TSHZ2: variants seen among roughly 807,000 people sequenced by gnomAD.
TSHZ2 encodes the protein teashirt zinc finger homeobox 2.
A neutral mutation model predicts 74.4 loss-of-function variants in TSHZ2; 21 were observed. That is an observed-to-expected ratio of 0.28 (90% CI 0.20 to 0.41). The LOEUF (loss-of-function observed/expected upper bound fraction) is 0.41, where lower values mean the gene tolerates loss of function less well. Ranked by LOEUF, TSHZ2 falls within the 10% of genes least tolerant of loss-of-function variation. The pLI, the probability that TSHZ2 is intolerant of heterozygous loss-of-function variation, is 1.00. For synonymous variants in TSHZ2, 540 were observed against 515.3 expected (o/e 1.05, Z -0.65); for missense variants, 1,244 against 1,293.5 (o/e 0.96, Z 0.59).
At chr20:53,042,318 T>G (rs772703311) in intron 1 of TSHZ2, among the ~76,000 whole-genome samples, 5 of 152,228 alleles carry the variant, frequency 3.3e-5, no homozygotes, top group Non-Finnish European at 7.3e-5. Context: ...CACAATGTTC[T>G]TTAATTGTTA....
rs186660441 is a variant in TSHZ2 at position 52,999,305 on chromosome 20, C to T, written c.40+25972C>T. Among the ~76,000 whole-genome samples, 26 of 152,278 alleles carry T rather than the reference C, an allele frequency of 1.7e-4. No individual in the cohort carries two copies. In the East Asian group the frequency reaches 4.6e-3, roughly 27 times the overall value. On this transcript the variant is annotated intron_variant, in intron 1 of 2. Coordinates refer to ENST00000371497, the MANE Select transcript of TSHZ2 (RefSeq NM_173485.6). The stretch of plus-strand genomic sequence containing the variant: ...AGTAATGAGTAAGATCCATCAGGAC[C>T]CTGCTCTCAGGGGACAGAAGCAACA...
At chr20:53,128,324 C>T (rs1191404385) in intron 1 of TSHZ2, among the ~76,000 whole-genome samples, 2 of 152,200 alleles carry the variant, frequency 1.3e-5, no homozygotes, top group Non-Finnish European at 2.9e-5. Flanking sequence ...TATCAACCAG[C>T]TACATCCTGC....
At chr20:53,038,908 G>GTTTGTTTT (rs146845423) in intron 1 of TSHZ2, among the ~76,000 whole-genome samples, 34,878 of 147,476 alleles carry the variant, frequency 0.24, 5,175 homozygotes, top group African/African-American at 0.42. Flanking sequence ...TTGTTTGTTT[G>GTTTGTTTT]TTTTTGAGAT....
chr20:53,303,448 G>A (rs114362706), intron 2 of TSHZ2, among the ~76,000 whole-genome samples: 1 of 152,176 alleles, frequency 6.6e-6, no homozygotes, highest in African/African-American at 2.4e-5. Flanking sequence ...CAACTGGAAG[G>A]TGGTTTACAG....
intron 1 of TSHZ2, among the ~76,000 whole-genome samples, chr20:53,035,519 T>G (rs1039987811): frequency 6.6e-6 from 1 of 152,172 alleles, no homozygotes; most frequent in Non-Finnish European, 1.5e-5. Context: ...AGATGCAAGA[T>G]AGGAATCAAG....
intron 2 of TSHZ2, among the ~76,000 whole-genome samples, chr20:53,462,253 C>CAAAA (rs1243854181): frequency 6.6e-6 from 1 of 152,058 alleles, no homozygotes; most frequent in African/African-American, 2.4e-5. Flanking sequence ...AACCCTGTCT[C>CAAAA]AAAAACAAAA....
intron 1 of TSHZ2, among the ~76,000 whole-genome samples, chr20:53,098,475 T>A (rs1005770883): frequency 6.6e-6 from 1 of 152,250 alleles, no homozygotes. Flanking sequence ...CTTTGTGTAC[T>A]GTCCTAGCAA....
rs1302200770 is a variant in TSHZ2, at chr20:53,491,274, A to G, written c.*4139A>G. The G allele has an allele frequency of 6.6e-6, 1 of 152,132 alleles. No individual in the cohort carries two copies. Among genetic ancestry groups the G allele is most frequent in the African/African-American group, 2.4e-5 (1 of 41,436 alleles). The allele number at this position is 152,132 out of a possible 1,614,324, so 9.4% of individuals were successfully genotyped here. A position where few individuals can be genotyped will look rare whatever the true frequency, so the allele number is the denominator to read the frequency against. Reference sequence around the variant, plus strand: ...AGGCAAAAAAGAAATCAAAACTGAAATTTTCGTGTATTTTTCCCCTTGTAA... The same window carrying G: ...AGGCAAAAAAGAAATCAAAACTGAAGTTTTCGTGTATTTTTCCCCTTGTAA... On this transcript the variant is annotated 3_prime_UTR_variant, in exon 3 of 3. Transcript: ENST00000371497.
chr20:53,486,926 T>C (rs1220953212), intron 2 of TSHZ2, among the ~76,000 whole-genome samples: 1 of 152,182 alleles, frequency 6.6e-6, no homozygotes, highest in African/African-American at 2.4e-5. Flanking sequence ...TAGCTCCCAC[T>C]TATGAGTGAG....
chr20:53,314,079 G>C (rs1600805702), intron 2 of TSHZ2, among the ~76,000 whole-genome samples: 1 of 152,192 alleles, frequency 6.6e-6, no homozygotes, highest in East Asian at 1.9e-4. Context: ...CTTGAGGTCA[G>C]GAGTTCAAAA....
Position 53,256,483 on chromosome 20 carries a change from G to T in TSHZ2, c.3025G>T (p.Val1009Leu), listed in dbSNP as rs1568839390. 1.2e-6 allele frequency: 2 copies of T among 1,613,778 alleles called. No individual in the cohort carries two copies. The highest frequency in any genetic ancestry group is 1.7e-5 in the Admixed American group (1 of 59,998). The stretch of plus-strand genomic sequence containing the variant: ...TCGGACATTTGTGAGCAAACATGCG[G>T]TAAAACTCCACCTAAGCAAAACGCA... ...CCRTFVSKHA[V>L]KLHLSKTHSK... Residue 1009 changes from valine to leucine, a missense_variant, in exon 2 of 3, where the codon GTA (valine) becomes TTA (leucine). By Grantham distance (32) the Val-to-Leu change is conservative (BLOSUM62 1). Around this residue, in one of 6 missense-constraint regions of TSHZ2, gnomAD observed 185 missense variants for 213.3 expected, o/e 0.87. Coordinates refer to ENST00000371497, the MANE Select transcript of TSHZ2 (RefSeq NM_173485.6). This position sits in a 1 kb window ranked among gnomAD's most constrained non-coding sequence, Gnocchi z 4.3.
At chr20:53,350,734 C>G (rs1206232024) in intron 2 of TSHZ2, among the ~76,000 whole-genome samples, 1 of 152,186 alleles carries the variant, frequency 6.6e-6, no homozygotes, top group Admixed American at 6.5e-5. Flanking sequence ...TTAAAGGTAA[C>G]TGTTTTTCAC....
At chr20:53,099,429 GAA>G (rs1009617491) in intron 1 of TSHZ2, among the ~76,000 whole-genome samples, 9 of 150,180 alleles carry the variant, frequency 6.0e-5, no homozygotes, top group African/African-American at 2.2e-4. Flanking sequence ...TCTCACATCT[GAA>G]ATAAAAATGG....
chr20:53,084,719 C>CTCCCTCCCTTCCTTCCT (rs1894289841), intron 1 of TSHZ2, among the ~76,000 whole-genome samples: 1 of 143,498 alleles, frequency 7.0e-6, no homozygotes, highest in Non-Finnish European at 1.5e-5. Context: ...CTCTCCTTCC[C>CTCCCTCCCTTCCTTCCT]TCCCTCCCTT....
chr20:53,077,110 A>C (rs1215670836), intron 1 of TSHZ2, among the ~76,000 whole-genome samples: 2 of 152,072 alleles, frequency 1.3e-5, no homozygotes, highest in African/African-American at 2.4e-5. Flanking sequence ...CAGAGATGAG[A>C]GGTAAAGATA....
intron 2 of TSHZ2, among the ~76,000 whole-genome samples, chr20:53,403,651 G>A (rs1982749050): frequency 6.6e-6 from 1 of 152,228 alleles, no homozygotes; most frequent in African/African-American, 2.4e-5. Context: ...GGGTGCCAAT[G>A]TGGCTGCTCA....
chr20:53,248,171 A>G (rs1990247752), intron 1 of TSHZ2, among the ~76,000 whole-genome samples: 1 of 152,112 alleles, frequency 6.6e-6, no homozygotes, highest in Non-Finnish European at 1.5e-5. Context: ...TCTGGGCTCA[A>G]GTGATCCTCC....
chr20:53,328,391 A>G (rs1031269471), intron 2 of TSHZ2, among the ~76,000 whole-genome samples: 1 of 152,250 alleles, frequency 6.6e-6, no homozygotes, highest in African/African-American at 2.4e-5. Context: ...TTGGAATCTC[A>G]GCATTTACAG....
At position 53,254,411 on chromosome 20, in the gene TSHZ2, C is replaced by A; in HGVS notation, c.953C>A (p.Thr318Asn). 1 of 1,613,590 alleles carries A rather than the reference C, an allele frequency of 6.2e-7. No individual in the cohort carries two copies. Among genetic ancestry groups the A allele is most frequent in the African/African-American group, 1.3e-5 (1 of 75,030 alleles). The change falls in exon 2 of 3, where the codon ACC (threonine) becomes AAC (asparagine). Residue 318 changes from threonine (T) to asparagine (N), a missense_variant. Transcript: ENST00000371497. ...CCAACCATTTCCTCGAAAATGGTCACCCCGGCTAAGAAACGCGTTTTTGAT... is the reference window on the plus strand; with the variant it reads ...CCAACCATTTCCTCGAAAATGGTCAACCCGGCTAAGAAACGCGTTTTTGAT... ...PVPTISSKMV[T>N]PAKKRVFDVN...
Sources: allele counts gnomAD v4.1 joint callset (sites outside exome capture counted in the v4.1 genomes callset), GRCh38; gene constraint gnomAD v4.1.1; regional missense constraint gnomAD v4.1.1; non-coding constraint Gnocchi (gnomAD v3.1); transcripts MANE v1.5; gene names NCBI Gene and HGNC (gene_info 2026-07-23, HGNC 2026-07-21).